The following MICAL2 variants were observed in gnomAD, a reference collection of about 807,000 sequenced individuals.
MICAL2 encodes microtubule associated monooxygenase, calponin and LIM domain containing 2.
In MICAL2, 77 loss-of-function variants were observed where a neutral mutation model predicts 127.3. The observed-to-expected ratio is 0.60, with a 90% CI of 0.50 to 0.73. The LOEUF (loss-of-function observed/expected upper bound fraction) is 0.73, where lower values mean the gene tolerates loss of function less well. MICAL2 is among the 30% of genes least tolerant of loss of function. MICAL2 has a pLI of 0.00. For synonymous variants in MICAL2, 570 were observed against 551.1 expected, an observed-to-expected ratio of 1.03 and a Z score of -0.48; for missense variants, 1,351 against 1,434.4, an observed-to-expected ratio of 0.94 and a Z score of 0.94.
At chr11:12,324,930 C>T (rs1173836919) in intron 31 of MICAL2, among the ~76,000 whole-genome samples, 1 of 152,116 alleles carries the variant, frequency 6.6e-6, no homozygotes, top group African/African-American at 2.4e-5. Flanking sequence ...ACTTTTCCTT[C>T]CAAGAACAAG....
intron 26 of MICAL2, chr11:12,262,188 A>T (rs1863213406): frequency 7.7e-7 from 1 of 1,297,610 alleles, no homozygotes; most frequent in Non-Finnish European, 9.8e-7. Flanking sequence ...TCCGCAACAT[A>T]TTCAAGAATG....
chr11:12,201,762 A>G (rs1854022277), intron 3 of MICAL2, among the ~76,000 whole-genome samples: 1 of 152,188 alleles, frequency 6.6e-6, no homozygotes, highest in African/African-American at 2.4e-5. Flanking sequence ...CTGTTTTGTC[A>G]CTTCTGCCCA....
intron 3 of MICAL2, among the ~76,000 whole-genome samples, chr11:12,195,231 T>C (rs995647696): frequency 5.9e-5 from 9 of 152,216 alleles, no homozygotes; most frequent in Non-Finnish European, 1.3e-4. Flanking sequence ...TACTCCAGCC[T>C]GGGCTACAGA....
At chr11:12,280,899 C>A (rs1419424927) in intron 1 of MICAL2, 2 of 398,948 alleles carry the variant, frequency 5.0e-6, no homozygotes, top group South Asian at 1.3e-4. Context: ...TTCCAGGCCC[C>A]CTGACTCACC....
intron 32 of MICAL2, among the ~76,000 whole-genome samples, chr11:12,330,831 GAC>G (rs1371218824): frequency 4.1e-4 from 50 of 122,994 alleles, no homozygotes; most frequent in Admixed American, 5.6e-4. Flanking sequence ...GGGAGAGACA[GAC>G]AGAGAGAGAG....
chr11:12,332,087 C>G (rs895898030), intron 32 of MICAL2, among the ~76,000 whole-genome samples: 1 of 152,098 alleles, frequency 6.6e-6, no homozygotes, highest in Non-Finnish European at 1.5e-5. Context: ...CCCCAAAAAA[C>G]AGTAATGCAA....
chr11:12,311,991 C>T (rs971417456), intron 29 of MICAL2, among the ~76,000 whole-genome samples: 1 of 151,176 alleles, frequency 6.6e-6, no homozygotes, highest in African/African-American at 2.4e-5. Flanking sequence ...TTTATTCAAC[C>T]TATGTTTTTT....
downstream of MICAL2, among the ~76,000 whole-genome samples, chr11:12,295,850 A>G (rs1349207585): frequency 6.6e-6 from 1 of 152,188 alleles, no homozygotes; most frequent in East Asian, 1.9e-4. Context: ...ATTTGTATAT[A>G]TGTTATATAT....
chr11:12,281,995 G>A (rs1025145225), intron 2 of MICAL2, among the ~76,000 whole-genome samples: 5 of 152,176 alleles, frequency 3.3e-5, no homozygotes, highest in African/African-American at 1.2e-4. Context: ...AGTTGCCCTG[G>A]GAGAGCTGGA....
In MICAL2 at chr11:12,343,182, C is replaced by T. The variant is rs549698996; in HGVS notation, c.5516-6656C>T. Among the ~76,000 whole-genome samples the T allele has an allele frequency of 7.9e-5, 12 of 151,954 alleles. No homozygotes were observed. In the East Asian group the frequency reaches 1.5e-3, roughly 20 times the overall value. On this transcript the variant is annotated intron_variant, in intron 32 of 34. Transcript: ENST00000646065. ...CAGCACTTTGGGAGGCTGAGGTGGG[C>T]GGATCACCTGAGGTCAGGAGTTCGA...
Position 12,262,128 on chromosome 11 carries a change from G to A in MICAL2, c.3335-352G>A, listed in dbSNP as rs1294759955. On this transcript the variant is annotated intron_variant, in intron 26 of 27. Coordinates refer to ENST00000683283, the MANE Select transcript of MICAL2 (RefSeq NM_001282663.2). Reference sequence around the variant, plus strand: ...CTGAGATGTTGAACCTTTCTGGTGGGCAGCACCGACACCCAGGGGTGGACC... The same window carrying A: ...CTGAGATGTTGAACCTTTCTGGTGGACAGCACCGACACCCAGGGGTGGACC... The A allele has an allele frequency of 2.5e-5, 29 of 1,160,302 alleles. No homozygotes were observed. The East Asian group carries it at 1.3e-3, about 51-fold the overall frequency. 71.9% of individuals were successfully genotyped at this position (1,160,302 alleles called of 1,614,324 possible).
chr11:12,187,077 T>C (rs1177496879), intron 3 of MICAL2, among the ~76,000 whole-genome samples: 3 of 152,262 alleles, frequency 2.0e-5, no homozygotes, highest in African/African-American at 7.2e-5. Flanking sequence ...GCGAGGACTC[T>C]GATCCTGTGT....
chr11:12,255,872 G>T (rs1347909212), intron 23 of MICAL2, 122 bp downstream of exon 23: 14 of 717,924 alleles, frequency 2.0e-5, no homozygotes, highest in African/African-American at 3.6e-5. Flanking sequence ...TGGAACAAGA[G>T]GGGGCTGAGA....
At chr11:12,285,201 G>A (rs1005285948) in intron 2 of MICAL2, among the ~76,000 whole-genome samples, 1 of 152,160 alleles carries the variant, frequency 6.6e-6, no homozygotes, top group Non-Finnish European at 1.5e-5. Context: ...TAAAAGACCA[G>A]ATGAGCCAGT....
chr11:12,238,993 C>G (rs1434062967), intron 16 of MICAL2, among the ~76,000 whole-genome samples: 1 of 152,204 alleles, frequency 6.6e-6, no homozygotes, highest in African/African-American at 2.4e-5. Context: ...CCCGTGCTTC[C>G]TTCATTGGCC....
At chr11:12,349,993 G>T in intron 33 of MICAL2, 1 of 1,479,042 alleles carries the variant, frequency 6.8e-7, no homozygotes. Flanking sequence ...GCAAAGGGGG[G>T]TGGCTTACCC....
rs1859834158 is a variant in MICAL2, at chr11:12,240,927, A to C, written c.2215-113A>C. 1.6e-5 allele frequency: 22 copies of C among 1,400,666 alleles called. 1 individual carries two copies. In the South Asian group the frequency reaches 2.6e-4, roughly 16 times the overall value. 86.8% of individuals were successfully genotyped at this position (1,400,666 alleles called of 1,614,324 possible). ...AGCCCAGTGCTTCCTCTGCACTTGC[A>C]ACCTTCGTCTCCCTGCTCCTCTTCT... is the stretch of plus-strand genomic sequence containing the variant. On this transcript the variant is annotated intron_variant, in intron 17 of 27. Coordinates refer to ENST00000683283, the MANE Select transcript of MICAL2 (RefSeq NM_001282663.2).
At position 12,345,399 on chromosome 11, in the gene MICAL2, G is replaced by A. The variant is rs140637143; in HGVS notation, c.5516-4439G>A. Among the ~76,000 whole-genome samples, 426 of 152,266 alleles carry A rather than the reference G, an allele frequency of 2.8e-3. 1 individual carries two copies. Among genetic ancestry groups the A allele is most frequent in the African/African-American group, 9.6e-3 (398 of 41,542 alleles). On this transcript the variant is annotated intron_variant, in intron 32 of 34. Transcript: ENST00000646065. ...ACACCAGTTTGGTGCATATAGAGTCGGCTTCATCCAAAGGCTGAGAAAGGT... is the reference window on the plus strand; with the variant it reads ...ACACCAGTTTGGTGCATATAGAGTCAGCTTCATCCAAAGGCTGAGAAAGGT...
chr11:12,341,523 A>G (rs1046004733), intron 32 of MICAL2, among the ~76,000 whole-genome samples: 9 of 152,112 alleles, frequency 5.9e-5, no homozygotes, highest in African/African-American at 1.9e-4. Context: ...CTCTACTACT[A>G]TCTATTCCAA....
Sources: gnomAD v4.1 joint callset for allele counts (sites outside exome capture counted in the v4.1 genomes callset) on GRCh38, gnomAD v4.1.1 for gene constraint, MANE v1.5 for transcripts, NCBI Gene and HGNC (gene_info 2026-07-23, HGNC 2026-07-21) for gene names.